Variants in ARHGEF33 observed in about 807,000 individuals in gnomAD.
The protein encoded by ARHGEF33 is Rho guanine nucleotide exchange factor 33.
ARHGEF33 carries 72 observed loss-of-function variants against 101.9 expected under a neutral mutation model. The ratio of observed to expected loss-of-function variants is 0.71; its 90% CI spans 0.58 to 0.86. The LOEUF (loss-of-function observed/expected upper bound fraction) is 0.86. ARHGEF33 is among the 40% of genes least tolerant of loss of function. ARHGEF33 has a pLI of 0.00. For synonymous variants in ARHGEF33, 499 were observed against 442.5 expected (o/e 1.13, Z -1.60); for missense variants, 1,169 against 1,111.3 (o/e 1.05, Z -0.74).
intron 1 of ARHGEF33, among the ~76,000 whole-genome samples, chr2:38,893,428 G>C (rs1463078034): frequency 6.6e-6 from 1 of 152,116 alleles, no homozygotes; most frequent in African/African-American, 2.4e-5. Context: ...CCAAAATGCT[G>C]GAATTACAGG....
intron 2 of ARHGEF33, among the ~76,000 whole-genome samples, chr2:38,915,555 T>C (rs186433650): frequency 1.2e-3 from 180 of 151,552 alleles, no homozygotes; most frequent in Non-Finnish European, 2.0e-3. Context: ...AAATTTTTAG[T>C]AGAGTGGGGT....
At chr2:38,961,896 G>A (rs1174355280) in intron 16 of ARHGEF33, among the ~76,000 whole-genome samples, 3 of 151,828 alleles carry the variant, frequency 2.0e-5, no homozygotes, top group South Asian at 2.1e-4. Context: ...GTAGGGAAGC[G>A]TGAGAAAAGC....
intron 8 of ARHGEF33, 113 bp downstream of exon 8, chr2:38,935,947 A>G (rs1667117581): frequency 1.1e-6 from 1 of 886,768 alleles, no homozygotes; most frequent in African/African-American, 1.7e-5. Flanking sequence ...AGAACTCACA[A>G]AAGATAAAGT....
intron 2 of ARHGEF33, among the ~76,000 whole-genome samples, chr2:38,902,150 A>G (rs986116681): frequency 1.3e-5 from 2 of 151,882 alleles, no homozygotes; most frequent in Non-Finnish European, 1.5e-5. Flanking sequence ...AAAAAAAAAA[A>G]AAGAAAAACA....
chr2:38,953,632 T>A (rs1667667154), intron 12 of ARHGEF33, among the ~76,000 whole-genome samples: 1 of 152,224 alleles, frequency 6.6e-6, no homozygotes, highest in Non-Finnish European at 1.5e-5. Context: ...ATAAGGTGGC[T>A]CTAGTCATGT....
At chr2:38,910,025 C>G (rs995584195) in intron 2 of ARHGEF33, among the ~76,000 whole-genome samples, 9 of 151,794 alleles carry the variant, frequency 5.9e-5, no homozygotes, top group Non-Finnish European at 1.2e-4. Flanking sequence ...GTCTCAGAAC[C>G]TCATAGAATA....
chr2:38,902,889 C>G (rs910688174), intron 2 of ARHGEF33, among the ~76,000 whole-genome samples: 2 of 152,044 alleles, frequency 1.3e-5, no homozygotes, highest in African/African-American at 4.8e-5. Context: ...GAGGCCAGGA[C>G]TCCTCTCTTA....
intron 10 of ARHGEF33, among the ~76,000 whole-genome samples, chr2:38,945,034 T>G (rs2124403837): frequency 6.6e-6 from 1 of 152,250 alleles, no homozygotes; most frequent in East Asian, 1.9e-4. Context: ...AGGAGGAAAG[T>G]AAGACTTGGT....
chr2:38,965,998 G>T lies in ARHGEF33; in HGVS notation c.2344-8G>T, dbSNP rs1294216573. The T allele has an allele frequency of 5.2e-6, 8 of 1,544,920 alleles. No homozygotes were observed. Among genetic ancestry groups the T allele is most frequent in the Admixed American group, 4.1e-5 (2 of 49,148 alleles). Reference sequence around the variant, plus strand: ...GTAAAGAAAAAAATCCCTCTTTTTTGTTTCCAGGAGATGCATTTAGAAGAT... The same window carrying T: ...GTAAAGAAAAAAATCCCTCTTTTTTTTTTCCAGGAGATGCATTTAGAAGAT... On this transcript the variant is annotated splice_polypyrimidine_tract_variant and splice_region_variant and intron_variant, in intron 16 of 17. Transcript: ENST00000409978.
intron 6 of ARHGEF33, among the ~76,000 whole-genome samples, chr2:38,930,117 A>G (rs1666962632): frequency 1.3e-5 from 2 of 152,234 alleles, no homozygotes; most frequent in Admixed American, 6.5e-5. Flanking sequence ...ACAACTAGAA[A>G]GATTTACTTA....
At chr2:38,964,033 C>G (rs994419691) in intron 16 of ARHGEF33, among the ~76,000 whole-genome samples, 1 of 152,038 alleles carries the variant, frequency 6.6e-6, no homozygotes, top group Non-Finnish European at 1.5e-5. Flanking sequence ...AGTGGGAGCC[C>G]TGAGTTTGTT....
intron 2 of ARHGEF33, among the ~76,000 whole-genome samples, chr2:38,912,296 C>T (rs1277504612): frequency 6.6e-6 from 1 of 152,128 alleles, no homozygotes; most frequent in Non-Finnish European, 1.5e-5. Flanking sequence ...GATTCAAGGG[C>T]TATCAAGGGC....
At chr2:38,943,576 T>C (rs1667366257) in intron 9 of ARHGEF33, among the ~76,000 whole-genome samples, 1 of 152,174 alleles carries the variant, frequency 6.6e-6, no homozygotes, top group Non-Finnish European at 1.5e-5. Context: ...AATTGCCCCA[T>C]ATGTATACTT....
intron 12 of ARHGEF33, among the ~76,000 whole-genome samples, chr2:38,953,813 A>G (rs1477484392): frequency 6.6e-6 from 1 of 152,228 alleles, no homozygotes; most frequent in Non-Finnish European, 1.5e-5. Flanking sequence ...CTAAGTTTCT[A>G]CTTCAACCCC....
chr2:38,957,945 A>C, intron 14 of ARHGEF33, 89 bp from the exon 15 acceptor site: 1 of 1,440,106 alleles, frequency 6.9e-7, no homozygotes, highest in South Asian at 1.3e-5. Context: ...TTTATCTGAG[A>C]CATCTCTCTA....
At chr2:38,972,302 G>A (rs149928322) in intron 17 of ARHGEF33, among the ~76,000 whole-genome samples, 1 of 152,178 alleles carries the variant, frequency 6.6e-6, no homozygotes, top group African/African-American at 2.4e-5. Flanking sequence ...GAGAAGGCCC[G>A]GAGTTTTAGG....
chr2:38,961,476 G>A (rs1052981232), intron 16 of ARHGEF33, among the ~76,000 whole-genome samples: 3 of 152,160 alleles, frequency 2.0e-5, no homozygotes, highest in Admixed American at 2.0e-4. Context: ...AATAGTTTCT[G>A]AGCAAATAAT....
At chr2:38,911,554 T>G (rs1666510149) in intron 2 of ARHGEF33, among the ~76,000 whole-genome samples, 1 of 152,216 alleles carries the variant, frequency 6.6e-6, no homozygotes, top group African/African-American at 2.4e-5. Flanking sequence ...AGGAGACTTT[T>G]CAGTATTCTT....
intron 9 of ARHGEF33, among the ~76,000 whole-genome samples, chr2:38,942,046 C>T (rs1667323302): frequency 6.7e-6 from 1 of 150,024 alleles, no homozygotes; most frequent in Admixed American, 6.7e-5. Context: ...ATAATATCTT[C>T]TCATCCATTT....
Sources: allele counts gnomAD v4.1 joint callset (sites outside exome capture counted in the v4.1 genomes callset), GRCh38; gene constraint gnomAD v4.1.1; transcripts MANE v1.5; gene names NCBI Gene and HGNC (gene_info 2026-07-23, HGNC 2026-07-21).